The following AMER1 variants were observed in gnomAD, a reference collection of about 807,000 sequenced individuals.
AMER1 encodes the protein APC membrane recruitment protein 1, also known as RP11-403E24.2.
In AMER1, 16 loss-of-function variants were observed where a neutral mutation model predicts 53.0. The observed-to-expected ratio is 0.30, with a 90% CI of 0.20 to 0.46. The LOEUF (loss-of-function observed/expected upper bound fraction) is 0.46. Among genes scored for constraint, AMER1 ranks in the 20% least tolerant of loss-of-function variants. The pLI is 1.00. For missense variants in AMER1, 947 were observed against 884.9 expected, an observed-to-expected ratio of 1.07 and a Z score of -0.89; for synonymous variants, 354 against 331.9, an observed-to-expected ratio of 1.07 and a Z score of -0.73.
chrX:64,192,852 T>G lies in AMER1; in HGVS notation c.435A>C (p.Thr145=). The G allele has an allele frequency of 8.3e-7, 1 of 1,212,081 alleles. No homozygotes were observed. The highest frequency in any genetic ancestry group is 1.1e-6 in the Non-Finnish European group (1 of 895,564). The stretch of plus-strand genomic sequence containing the variant: ...CTTTCTCTGTGGCTCCAGCCACAGA[T>G]GTCTTACATCTGGAGCCTGTCTCCA... ...GALETGSRCK[T]SVAGATEKAV... The change falls in exon 2 of 2, where the codon ACA becomes ACC. Residue 145 remains threonine, a synonymous_variant. Coordinates refer to ENST00000374869, the MANE Select transcript of AMER1 (RefSeq NM_152424.4).
In AMER1 at chrX:64,193,482, C is replaced by T. The variant is rs1930304176; in HGVS notation, c.-98-98G>A. 5.5e-6 allele frequency: 3 copies of T among 545,356 alleles called. No individual in the cohort carries two copies. The East Asian group carries it at 1.1e-4, about 20-fold the overall frequency. The allele number at this position is 545,356 out of a possible 1,213,427, so 44.9% of individuals were successfully genotyped here. A position where few individuals can be genotyped will look rare whatever the true frequency, so the allele number is the denominator to read the frequency against. On this transcript the variant is annotated intron_variant, in intron 1 of 1. Coordinates refer to ENST00000374869, the MANE Select transcript of AMER1 (RefSeq NM_152424.4). ...CACCGGACGTCAGGCTTGAGTGGAACAAGAAAGAAAATGATGGAAAATGTG... is the reference window on the plus strand; with the variant it reads ...CACCGGACGTCAGGCTTGAGTGGAATAAGAAAGAAAATGATGGAAAATGTG...
Position 64,186,473 on chromosome X carries a change from C to T in AMER1, c.*3406G>A. On this transcript the variant is annotated 3_prime_UTR_variant, in exon 2 of 2. Coordinates refer to ENST00000374869, the MANE Select transcript of AMER1 (RefSeq NM_152424.4). Reference sequence around the variant, plus strand: ...TTAAAAACAACTTGAATGCAACATACACATGGGTAAACTTGAAGTCTCCCT... The same window carrying T: ...TTAAAAACAACTTGAATGCAACATATACATGGGTAAACTTGAAGTCTCCCT... 1 of 787,830 alleles carries T rather than the reference C, an allele frequency of 1.3e-6. No homozygotes were observed. The allele number at this position is 787,830 out of a possible 1,213,427, so 64.9% of individuals were successfully genotyped here. A position where few individuals can be genotyped will look rare whatever the true frequency, so the allele number is the denominator to read the frequency against.
At chrX:64,198,858 G>A (rs1462700658) in intron 1 of AMER1, among the ~76,000 whole-genome samples, 1 of 112,235 alleles carries the variant, frequency 8.9e-6, no homozygotes, top group Non-Finnish European at 1.9e-5. Context: ...AGATAGGTTT[G>A]AGTGGCCCAA....
chrX:64,198,768 G>C (rs1001743853), intron 1 of AMER1, among the ~76,000 whole-genome samples: 12 of 111,021 alleles, frequency 1.1e-4, no homozygotes, highest in African/African-American at 3.9e-4. Flanking sequence ...CCCAGCCTGT[G>C]GCTGCTCTCC....
At chrX:64,204,750 G>A (rs930443058) in intron 1 of AMER1, among the ~76,000 whole-genome samples, 1 of 113,176 alleles carries the variant, frequency 8.8e-6, no homozygotes, top group Non-Finnish European at 1.9e-5. Flanking sequence ...GAGGCGAGGC[G>A]AGGCGGGAGA....
chrX:64,198,790 C>G (rs1414329208), intron 1 of AMER1, among the ~76,000 whole-genome samples: 1 of 111,374 alleles, frequency 9.0e-6, no homozygotes, highest in African/African-American at 3.3e-5. Flanking sequence ...CATCAGCAAC[C>G]CTACCACCAC....
At chrX:64,204,960 G>T (rs1389980424) in intron 1 of AMER1, among the ~76,000 whole-genome samples, 1 of 113,340 alleles carries the variant, frequency 8.8e-6, no homozygotes, top group Non-Finnish European at 1.9e-5. Context: ...ACTGAGCTCA[G>T]CCCACAGGCC....
chrX:64,193,368 A>C lies in AMER1; in HGVS notation c.-82T>G, dbSNP rs763027891. ...CACTGTTATAACATTATCAGTCAGG[A>C]AGCATCACAGTGGGGTCTGGAGGAG... On this transcript the variant is annotated 5_prime_UTR_variant, in exon 2 of 2. Transcript: ENST00000374869. 7.1e-4 allele frequency: 839 copies of C among 1,185,804 alleles called. 2 individuals carry two copies. The highest frequency in any genetic ancestry group is 9.1e-4 in the Non-Finnish European group (799 of 877,498).
chrX:64,192,591 T>A lies in AMER1; in HGVS notation c.696A>T (p.Gln232His), dbSNP rs763371059. 8.4e-7 allele frequency: 1 copy of A among 1,186,104 alleles called. No individual in the cohort carries two copies. The highest frequency in any genetic ancestry group is 3.0e-5 in the East Asian group (1 of 33,660). Residue 232 changes from glutamine to histidine, a missense_variant, in exon 2 of 2, where the codon CAA becomes CAT. Physicochemically the swap from Gln to His is conservative, Grantham distance 24. Transcript: ENST00000374869. ...GAGAAACTTTTGGCCCAGGGGCATC[T>A]TGGGGGTTAGCATTTTCCTTTCTAG... ...QAPRKENANP[Q>H]DAPGPKVSPT... is the part of the protein sequence containing the mutation.
At position 64,189,793 on chromosome X, in the gene AMER1, A is replaced by AGGGGGCCCCCCCCCCCCCC; in HGVS notation, c.*85_*86insGGGGGGGGGGGGGGCCCCC. Reference sequence around the variant, plus strand: ...CAAAGGGTTTTCAAGTTAAACAACAACCCCCACCCCCCCACCCTTCTGCCC... The same window carrying AGGGGGCCCCCCCCCCCCCC: ...CAAAGGGTTTTCAAGTTAAACAACAAGGGGGCCCCCCCCCCCCCCCCCCCACCCCCCCACCCTTCTGCCC... On this transcript the variant is annotated 3_prime_UTR_variant, in exon 2 of 2. Transcript: ENST00000374869. 1 of 292,074 alleles carries AGGGGGCCCCCCCCCCCCCC rather than the reference A, an allele frequency of 3.4e-6. No homozygotes were observed. Among genetic ancestry groups the AGGGGGCCCCCCCCCCCCCC allele is most frequent in the Non-Finnish European group, 4.9e-6 (1 of 204,832 alleles). 24.1% of individuals were successfully genotyped at this position (292,074 alleles called of 1,213,427 possible).
chrX:64,202,263 C>T (rs1480931095), intron 1 of AMER1, among the ~76,000 whole-genome samples: 1 of 111,937 alleles, frequency 8.9e-6, no homozygotes, highest in Non-Finnish European at 1.9e-5. Context: ...GACCAAGAGG[C>T]AAAAGAGACA....
At position 64,186,291 on chromosome X, in the gene AMER1, C is replaced by G. The variant is rs1367141294; in HGVS notation, c.*3588G>C. ...TGCCAGCCCTCTGCACAAGCAGCAGCAATTTTTGTGTCATCTTTGTTTTGT... is the reference window on the plus strand; with the variant it reads ...TGCCAGCCCTCTGCACAAGCAGCAGGAATTTTTGTGTCATCTTTGTTTTGT... On this transcript the variant is annotated 3_prime_UTR_variant, in exon 2 of 2. Transcript: ENST00000374869. 5 of 1,047,807 alleles carry G rather than the reference C, an allele frequency of 4.8e-6. No individual in the cohort carries two copies. In the African/African-American group the frequency reaches 7.6e-5, roughly 16 times the overall value. The allele number at this position is 1,047,807 out of a possible 1,213,427, so 86.4% of individuals were successfully genotyped here. A position where few individuals can be genotyped will look rare whatever the true frequency, so the allele number is the denominator to read the frequency against.
At chrX:64,202,193 A>G (rs190199798) in intron 1 of AMER1, among the ~76,000 whole-genome samples, 106 of 111,733 alleles carry the variant, frequency 9.5e-4, no homozygotes, top group African/African-American at 3.3e-3. Context: ...AGACTGCCAA[A>G]TTCTTCCAAC....
At chrX:64,201,284 A>G (rs1930483691) in intron 1 of AMER1, among the ~76,000 whole-genome samples, 1 of 111,359 alleles carries the variant, frequency 9.0e-6, no homozygotes, top group Non-Finnish European at 1.9e-5. Flanking sequence ...ACACACGCAC[A>G]GGTTTGAAAA....
Position 64,192,939 on chromosome X carries a change from G to A in AMER1, c.348C>T (p.Phe116=), listed in dbSNP as rs752675403. Residue 116 remains phenylalanine (F), a synonymous_variant, in exon 2 of 2, where the codon TTC becomes TTT. Transcript: ENST00000374869. ...PEDVVSEGTG[F]SLPLPELPCQ... is the part of the protein sequence containing the mutation. ...AGGGTAACTCAGGCAAAGGCAGGGA[G>A]AAGCCAGTTCCTTCACTGACAACAT... 15 of 1,209,920 alleles carry A rather than the reference G, an allele frequency of 1.2e-5. No individual in the cohort carries two copies. Among genetic ancestry groups the A allele is most frequent in the Non-Finnish European group, 1.6e-5 (14 of 895,233 alleles).
intron 1 of AMER1, among the ~76,000 whole-genome samples, chrX:64,199,740 T>C (rs1448725736): frequency 9.0e-6 from 1 of 111,629 alleles, no homozygotes; most frequent in African/African-American, 3.3e-5. Context: ...TCATTCATCC[T>C]GTACGTTGTT....
In AMER1 at chrX:64,191,129, G is replaced by C. The variant is rs776578776; in HGVS notation, c.2158C>G (p.Gln720Glu). The change falls in exon 2 of 2, where the codon CAG becomes GAG. Residue 720 changes from glutamine to glutamate, a missense_variant. Coordinates refer to ENST00000374869, the MANE Select transcript of AMER1 (RefSeq NM_152424.4). ...AACATGGCATCACTCTGGAAGAGCTGCATCAGGCAGGTACTTTGATCTTTC... is the reference window on the plus strand; with the variant it reads ...AACATGGCATCACTCTGGAAGAGCTCCATCAGGCAGGTACTTTGATCTTTC... ...SKKDQSTCLM[Q>E]LFQSDAMFEP... 3 of 1,212,252 alleles carry C rather than the reference G, an allele frequency of 2.5e-6. No individual in the cohort carries two copies. In the South Asian group the frequency reaches 5.3e-5, roughly 21 times the overall value.
At chrX:64,205,138 G>A (rs1930571196) in intron 1 of AMER1, among the ~76,000 whole-genome samples, 1 of 113,821 alleles carries the variant, frequency 8.8e-6, no homozygotes, top group Non-Finnish European at 1.9e-5. Context: ...CCGGAGAGAG[G>A]GGTGAGCGGT....
rs1286796828 is a variant in AMER1, at chrX:64,186,396, G to A, written c.*3483C>T. The A allele has an allele frequency of 7.8e-5, 65 of 829,489 alleles. No individual in the cohort carries two copies. The highest frequency in any genetic ancestry group is 9.4e-5 in the Non-Finnish European group (63 of 673,146). The allele number at this position is 829,489 out of a possible 1,213,427, so 68.4% of individuals were successfully genotyped here. A position where few individuals can be genotyped will look rare whatever the true frequency, so the allele number is the denominator to read the frequency against. ...ACATTGTTTTCCATGAATATAAAATGCAAACAATATAAAAATAGATAATTG... is the reference window on the plus strand; with the variant it reads ...ACATTGTTTTCCATGAATATAAAATACAAACAATATAAAAATAGATAATTG... On this transcript the variant is annotated 3_prime_UTR_variant, in exon 2 of 2. Coordinates refer to ENST00000374869, the MANE Select transcript of AMER1 (RefSeq NM_152424.4).
Sources: allele counts gnomAD v4.1 joint callset (sites outside exome capture counted in the v4.1 genomes callset), GRCh38; gene constraint gnomAD v4.1.1; transcripts MANE v1.5; gene names NCBI Gene and HGNC (gene_info 2026-07-23, HGNC 2026-07-21).